PCDHA8: variants seen among roughly 807,000 people sequenced by gnomAD.
PCDHA8 encodes the protein protocadherin alpha 8, also known as protocadherin alpha-8.
In PCDHA8, 53 loss-of-function variants were observed where a neutral mutation model predicts 61.8. The observed-to-expected ratio is 0.86, with a 90% confidence interval of 0.69 to 1.08. The LOEUF (loss-of-function observed/expected upper bound fraction) is 1.08, where lower values mean the gene tolerates loss of function less well. Ranked by LOEUF, PCDHA8 falls within the 50% of genes least tolerant of loss-of-function variation. PCDHA8 has a pLI of 0.00. For synonymous variants in PCDHA8, 618 were observed against 556.6 expected, an observed-to-expected ratio of 1.11 and a Z score of -1.55; for missense variants, 1,293 against 1,245.0, an observed-to-expected ratio of 1.04 and a Z score of -0.58.
At chr5:140,884,574 T>C (rs1554181755) in intron 1 of PCDHA8, 1 of 1,614,014 alleles carries the variant, frequency 6.2e-7, no homozygotes, top group East Asian at 2.2e-5. Context: ...AAGACGGACC[T>C]CATGGCCTTC....
At chr5:140,909,942 T>G (rs577556804) in intron 1 of PCDHA8, among the ~76,000 whole-genome samples, 1 of 152,304 alleles carries the variant, frequency 6.6e-6, no homozygotes, top group Non-Finnish European at 1.5e-5. Flanking sequence ...GTTACTCTGG[T>G]AAAAAGCCGT....
chr5:141,004,888 G>A lies in PCDHA8; in HGVS notation c.2543-4739G>A, dbSNP rs555046086. ...TTTCTCATCCCTAAAGTGCTATTGT[G>A]TCAGCTCTGCCAGGGTGTAAGGAAA... On this transcript the variant is annotated intron_variant, in intron 3 of 3. Transcript: ENST00000531613. Among the ~76,000 whole-genome samples the A allele has an allele frequency of 2.0e-5, 3 of 152,250 alleles. No individual in the cohort carries two copies. The East Asian group carries it at 5.8e-4, about 29-fold the overall frequency.
At chr5:140,900,049 A>T (rs2067710838) in intron 1 of PCDHA8, among the ~76,000 whole-genome samples, 1 of 152,044 alleles carries the variant, frequency 6.6e-6, no homozygotes, top group Non-Finnish European at 1.5e-5. Flanking sequence ...GGCTCAAGTG[A>T]TCCTTTAACC....
At chr5:140,940,398 T>C (rs936966571) in intron 1 of PCDHA8, among the ~76,000 whole-genome samples, 10 of 152,340 alleles carry the variant, frequency 6.6e-5, no homozygotes, top group African/African-American at 2.4e-4. Context: ...TATTGTGTTT[T>C]TCATTTTAAA....
At chr5:140,882,435 T>C in intron 1 of PCDHA8, 2 of 1,614,036 alleles carry the variant, frequency 1.2e-6, no homozygotes, top group East Asian at 4.5e-5. Context: ...GGGCTGGAGC[T>C]GGCGGAGCTG....
chr5:140,967,107 G>A (rs782199698), intron 1 of PCDHA8: 12 of 1,612,876 alleles, frequency 7.4e-6, no homozygotes, highest in Non-Finnish European at 9.3e-6. Context: ...TGTGAGCAGC[G>A]GCCTCGCTGC....
chr5:140,883,679 G>T (rs781987468), intron 1 of PCDHA8: 1 of 1,613,678 alleles, frequency 6.2e-7, no homozygotes, highest in Non-Finnish European at 8.5e-7. Flanking sequence ...CAATCCGCCG[G>T]GCTGCCACAT....
Position 140,841,535 on chromosome 5 carries a change from C to A in PCDHA8, c.214C>A (p.Arg72=), listed in dbSNP as rs146057065. The change falls in exon 1 of 4, where the codon CGG becomes AGG. Residue 72 remains arginine (R), a synonymous_variant. Coordinates refer to ENST00000531613, the MANE Select transcript of PCDHA8 (RefSeq NM_018911.3). ...GTTCCGGGTGGCGTCCAAAAGACAC[C>A]GGGACCTTCTGGAGGTAAGTCTGCA... is the stretch of plus-strand genomic sequence containing the variant. ...RLFRVASKRH[R]DLLEVSLQNG... 5 of 1,613,548 alleles carry A rather than the reference C, an allele frequency of 3.1e-6. No homozygotes were observed. Among genetic ancestry groups the A allele is most frequent in the African/African-American group, 1.3e-5 (1 of 74,862 alleles).
Position 140,882,483 on chromosome 5 carries a change from G to C in PCDHA8, c.2394+38768G>C. ...TTCCGGGTGGCGTCCAAAAGACACG[G>C]GGACCTTCTGGAGGTAAATCTGCAG... On this transcript the variant is annotated intron_variant, in intron 1 of 3. Coordinates refer to ENST00000531613, the MANE Select transcript of PCDHA8 (RefSeq NM_018911.3). 2 of 1,614,080 alleles carry C rather than the reference G, an allele frequency of 1.2e-6. No individual in the cohort carries two copies. Among genetic ancestry groups the C allele is most frequent in the Non-Finnish European group, 1.7e-6 (2 of 1,180,052 alleles).
intron 1 of PCDHA8, chr5:140,861,416 C>G: frequency 2.1e-6 from 1 of 477,054 alleles, no homozygotes; most frequent in South Asian, 1.6e-5. Flanking sequence ...TGATACCGCG[C>G]CTGTTTCAGT....
intron 1 of PCDHA8, among the ~76,000 whole-genome samples, chr5:140,942,026 A>G (rs1394001505): frequency 6.6e-6 from 1 of 152,194 alleles, no homozygotes; most frequent in Non-Finnish European, 1.5e-5. Flanking sequence ...GGAAAAAATA[A>G]TTCATAAACC....
At chr5:140,871,215 C>T (rs782542021) in intron 1 of PCDHA8, 2 of 1,613,854 alleles carry the variant, frequency 1.2e-6, no homozygotes, top group Non-Finnish European at 1.7e-6. Flanking sequence ...TCGCCATCTG[C>T]GTGGTGTCCA....
In PCDHA8 at chr5:140,883,991, G is replaced by A. The variant is rs1475054823; in HGVS notation, c.2394+40276G>A. ...GACGCCCGGGGCTGGCAGCGCGGGA[G>A]GCACAGTGAGCGAGCTGATGCCGCG... On this transcript the variant is annotated intron_variant, in intron 1 of 3. Transcript: ENST00000531613. 2 of 1,612,972 alleles carry A rather than the reference G, an allele frequency of 1.2e-6. No individual in the cohort carries two copies. The highest frequency in any genetic ancestry group is 2.2e-5 in the East Asian group (1 of 44,862).
intron 1 of PCDHA8, among the ~76,000 whole-genome samples, chr5:140,943,064 C>T (rs1352675515): frequency 1.3e-5 from 2 of 151,818 alleles, no homozygotes; most frequent in African/African-American, 4.8e-5. Context: ...CAAGAACAGC[C>T]TGACCAACAT....
At chr5:140,931,440 AT>A (rs2153608083) in intron 1 of PCDHA8, among the ~76,000 whole-genome samples, 1 of 141,482 alleles carries the variant, frequency 7.1e-6, no homozygotes, top group South Asian at 2.3e-4. Flanking sequence ...AAAATTAGCT[AT>A]TTAAAAGGAA....
intron 1 of PCDHA8, among the ~76,000 whole-genome samples, chr5:140,893,392 C>T (rs116952410): frequency 6.6e-6 from 1 of 152,112 alleles, no homozygotes; most frequent in African/African-American, 2.4e-5. Context: ...GTGGCTCATG[C>T]CTGTAATCCC....
At chr5:140,848,871 A>T in intron 1 of PCDHA8, 1 of 1,590,856 alleles carries the variant, frequency 6.3e-7, no homozygotes, top group Non-Finnish European at 8.6e-7. Context: ...GGTGAAGGAC[A>T]TTAACGACAA....
chr5:140,852,725 A>G lies in PCDHA8; in HGVS notation c.2394+9010A>G. The G allele has an allele frequency of 3.1e-6, 3 of 983,054 alleles. 1 individual carries two copies. The highest frequency in any genetic ancestry group is 3.7e-6 in the Non-Finnish European group (3 of 815,624). 60.9% of individuals were successfully genotyped at this position (983,054 alleles called of 1,614,324 possible). A position where few individuals can be genotyped will look rare whatever the true frequency, so the allele number is the denominator to read the frequency against. On this transcript the variant is annotated intron_variant, in intron 1 of 3. Coordinates refer to ENST00000531613, the MANE Select transcript of PCDHA8 (RefSeq NM_018911.3). ...GTATCTTTGTCTTTGCACGTTTTTC[A>G]AGTTTCATGTGCCATTTAAACTTGG...
intron 3 of PCDHA8, among the ~76,000 whole-genome samples, chr5:141,001,895 G>T (rs1390745542): frequency 3.9e-5 from 6 of 152,208 alleles, no homozygotes; most frequent in Non-Finnish European, 8.8e-5. Context: ...AGAAATCGGG[G>T]CTGTTTGAAA....
Sources: allele counts gnomAD v4.1 joint callset (sites outside exome capture counted in the v4.1 genomes callset), GRCh38; gene constraint gnomAD v4.1.1; transcripts MANE v1.5; gene names NCBI Gene and HGNC (gene_info 2026-07-23, HGNC 2026-07-21).